The following RBM6 variants were observed in gnomAD, a reference collection of about 807,000 sequenced individuals.
The protein encoded by RBM6 is RNA-binding protein 6.
A neutral mutation model predicts 140.4 loss-of-function variants in RBM6; 23 were observed. The ratio of observed to expected loss-of-function variants is 0.16; its 90% confidence interval spans 0.12 to 0.23. RBM6 has a LOEUF of 0.23. RBM6 is among the 10% of genes least tolerant of loss of function. RBM6 has a pLI of 1.00. For missense variants in RBM6, 1,139 were observed against 1,386.7 expected, an observed-to-expected ratio of 0.82 and a Z score of 2.84; for synonymous variants, 439 against 475.6, an observed-to-expected ratio of 0.92 and a Z score of 1.00.
At chr3:50,040,231 G>C (rs1242867972) in intron 6 of RBM6, among the ~76,000 whole-genome samples, 1 of 151,892 alleles carries the variant, frequency 6.6e-6, no homozygotes, top group Non-Finnish European at 1.5e-5. Flanking sequence ...CAGCTCACGA[G>C]GTCAGGAGAC....
chr3:50,072,289 A>T (rs2090328798), intron 19 of RBM6, among the ~76,000 whole-genome samples: 1 of 151,622 alleles, frequency 6.6e-6, no homozygotes, highest in Non-Finnish European at 1.5e-5. Flanking sequence ...GGGTACCTGT[A>T]ATCCCAGCTA....
Position 49,987,081 on chromosome 3 carries a change from A to AT in RBM6, c.1483+11698dup, listed in dbSNP as rs1056209346. ...TTACAGGTGTGAGCCTTATTTTATTATTTTTTTTTGGGACAGAGTCTCTCT... is the reference window on the plus strand; with the variant it reads ...TTACAGGTGTGAGCCTTATTTTATTATTTTTTTTTTGGGACAGAGTCTCTCT... On this transcript the variant is annotated intron_variant, in intron 5 of 20. Coordinates refer to ENST00000266022, the MANE Select transcript of RBM6 (RefSeq NM_005777.3). Among the ~76,000 whole-genome samples the AT allele has an allele frequency of 1.9e-4, 28 of 149,816 alleles. No homozygotes were observed. The East Asian group carries it at 2.2e-3, about 12-fold the overall frequency.
At chr3:50,037,997 T>C (rs1559616851) in intron 6 of RBM6, among the ~76,000 whole-genome samples, 1 of 151,956 alleles carries the variant, frequency 6.6e-6, no homozygotes, top group Non-Finnish European at 1.5e-5. Context: ...AATTTTTGTA[T>C]TTTTAGTAGA....
rs116850412 is a variant in RBM6, at chr3:49,949,580, A to G, written c.-67+9355A>G. Among the ~76,000 whole-genome samples the G allele has an allele frequency of 1.2e-4, 18 of 152,066 alleles. No individual in the cohort carries two copies. The East Asian group carries it at 2.3e-3, about 20-fold the overall frequency. On this transcript the variant is annotated intron_variant, in intron 1 of 20. Coordinates refer to ENST00000266022, the MANE Select transcript of RBM6 (RefSeq NM_005777.3). ...GCTAATTTCTGTATTTTTAGTAGAA[A>G]CAGTTGGCCAGGATGGTTTCAATCT...
Position 50,070,467 on chromosome 3 carries a change from G to A in RBM6, c.3031G>A (p.Gly1011Arg). 6.2e-7 allele frequency: 1 copy of A among 1,613,878 alleles called. No homozygotes were observed. Among genetic ancestry groups the A allele is most frequent in the South Asian group, 1.1e-5 (1 of 91,080 alleles). Reference protein sequence around the residue: ...ERREREGKFKGRGNDRREKLQ... With the variant: ...ERREREGKFKRRGNDRREKLQ... ...TGCTTACCAACAGGGAAAGTTTAAA[G>A]GAAGAGGAAATGATCGCAGGGAAAA... The change falls in exon 19 of 21, where the codon GGA (glycine) becomes AGA (arginine). Residue 1011 changes from glycine to arginine, a missense_variant. Gly to Arg is a moderately radical substitution (Grantham distance 125, BLOSUM62 -2). Coordinates refer to ENST00000266022, the MANE Select transcript of RBM6 (RefSeq NM_005777.3).
At chr3:49,995,228 T>G (rs1280368253) in intron 5 of RBM6, among the ~76,000 whole-genome samples, 1 of 151,356 alleles carries the variant, frequency 6.6e-6, no homozygotes, top group Non-Finnish European at 1.5e-5. Flanking sequence ...CTTTATAGAT[T>G]TTTTCCCCTT....
intron 14 of RBM6, 76 bp from the exon 15 acceptor site, chr3:50,061,886 A>G: frequency 1.3e-6 from 2 of 1,537,418 alleles, no homozygotes; most frequent in Non-Finnish European, 1.8e-6. Flanking sequence ...CTAAAAGGGA[A>G]CTGTGCGCCT....
chr3:49,998,109 C>T (rs4688689), intron 5 of RBM6, among the ~76,000 whole-genome samples: 77,474 of 152,068 alleles, frequency 0.51, 20,848 homozygotes, highest in African/African-American at 0.64. Flanking sequence ...TAATGTTTCA[C>T]AGTTAACTTG....
At chr3:49,988,259 C>T (rs376017384) in intron 5 of RBM6, among the ~76,000 whole-genome samples, 1 of 152,140 alleles carries the variant, frequency 6.6e-6, no homozygotes, top group East Asian at 1.9e-4. Flanking sequence ...ATCCTCCCAC[C>T]TCAGCCTCCC....
At chr3:49,983,975 G>A (rs998430650) in intron 5 of RBM6, among the ~76,000 whole-genome samples, 1 of 152,072 alleles carries the variant, frequency 6.6e-6, no homozygotes, top group Non-Finnish European at 1.5e-5. Context: ...GAATGACCTG[G>A]GATTTGGCTT....
At chr3:50,059,034 C>T (rs1279963381) in intron 10 of RBM6, 3 of 153,218 alleles carry the variant, frequency 2.0e-5, no homozygotes, top group African/African-American at 7.2e-5. Flanking sequence ...GGTCAGGTGA[C>T]AGCCCTCAAA....
intron 6 of RBM6, among the ~76,000 whole-genome samples, chr3:50,026,431 G>A (rs2087827593): frequency 2.0e-5 from 3 of 150,614 alleles, no homozygotes; most frequent in Admixed American, 2.0e-4. Flanking sequence ...CCAGACTGGA[G>A]TGCAGTGGCA....
intron 6 of RBM6, among the ~76,000 whole-genome samples, chr3:50,032,161 A>G (rs994720324): frequency 1.3e-5 from 2 of 152,204 alleles, no homozygotes; most frequent in South Asian, 2.1e-4. Context: ...AAGAGAGCAG[A>G]TAGGCATTAG....
Position 50,001,134 on chromosome 3 carries a change from A to G in RBM6, c.1557+1621A>G, listed in dbSNP as rs79476378. ...AGATTCAACCAAATGCTGATTGGACATATTCAGGAAAAAAATGCATTAACA... is the reference window on the plus strand; with the variant it reads ...AGATTCAACCAAATGCTGATTGGACGTATTCAGGAAAAAAATGCATTAACA... On this transcript the variant is annotated intron_variant, in intron 6 of 20. Coordinates refer to ENST00000266022, the MANE Select transcript of RBM6 (RefSeq NM_005777.3). 3.2e-3 allele frequency among the ~76,000 whole-genome samples: 494 copies of G among 152,290 alleles called. 3 individuals are homozygous for G. The highest frequency in any genetic ancestry group is 0.012 in the African/African-American group (484 of 41,562).
chr3:50,015,947 A>G (rs1281664118), intron 6 of RBM6, among the ~76,000 whole-genome samples: 1 of 152,232 alleles, frequency 6.6e-6, no homozygotes, highest in Non-Finnish European at 1.5e-5. Flanking sequence ...GAGAACATTT[A>G]AAATCTCTTT....
intron 18 of RBM6, 91 bp downstream of exon 18, chr3:50,068,855 GA>G: frequency 8.7e-7 from 1 of 1,149,878 alleles, no homozygotes; most frequent in Non-Finnish European, 1.3e-6. Context: ...CTCCTTATAA[GA>G]AGATGGAGAA....
chr3:49,941,663 A>C (rs1420795498), intron 1 of RBM6, among the ~76,000 whole-genome samples: 1 of 124,050 alleles, frequency 8.1e-6, no homozygotes, highest in East Asian at 2.1e-4. Flanking sequence ...AAAAAAAAAA[A>C]AAAAAAACCC....
chr3:50,037,499 C>A (rs1012789539), intron 6 of RBM6, among the ~76,000 whole-genome samples: 6 of 152,210 alleles, frequency 3.9e-5, no homozygotes, highest in Admixed American at 1.3e-4. Flanking sequence ...TTAATATTTT[C>A]AAGGCACTAT....
At chr3:49,977,028 A>G (rs1023575671) in intron 5 of RBM6, among the ~76,000 whole-genome samples, 2 of 152,204 alleles carry the variant, frequency 1.3e-5, no homozygotes, top group African/African-American at 4.8e-5. Context: ...TATGTGACAA[A>G]TAGGATGAAC....
Sources: gnomAD v4.1 joint callset for allele counts (sites outside exome capture counted in the v4.1 genomes callset) on GRCh38, gnomAD v4.1.1 for gene constraint, MANE v1.5 for transcripts, NCBI Gene and HGNC (gene_info 2026-07-23, HGNC 2026-07-21) for gene names.